ASTN1: variants seen among roughly 807,000 people sequenced by gnomAD.
ASTN1 encodes astrotactin 1.
ASTN1 carries 41 observed loss-of-function variants against 140.7 expected under a neutral mutation model. That is an observed-to-expected ratio of 0.29 (90% CI 0.23 to 0.38). The LOEUF (loss-of-function observed/expected upper bound fraction) is 0.38, where lower values mean the gene tolerates loss of function less well. ASTN1 is among the 10% of genes least tolerant of loss of function. ASTN1 has a pLI of 1.00. For synonymous variants in ASTN1, 640 were observed against 652.2 expected, an observed-to-expected ratio of 0.98 and a Z score of 0.29; for missense variants, 1,479 against 1,678.8, an observed-to-expected ratio of 0.88 and a Z score of 2.08.
intron 16 of ASTN1, among the ~76,000 whole-genome samples, chr1:176,899,724 A>C (rs770023663): frequency 3.9e-5 from 6 of 152,086 alleles, no homozygotes; most frequent in Non-Finnish European, 7.4e-5. Context: ...GATGTCCTCG[A>C]GTCATCAAAA....
intron 16 of ASTN1, among the ~76,000 whole-genome samples, chr1:176,923,898 A>C (rs999740493): frequency 1.3e-5 from 2 of 152,162 alleles, no homozygotes; most frequent in Non-Finnish European, 2.9e-5. Flanking sequence ...CCCTTCCCTT[A>C]TCCTTTATCT....
At chr1:177,145,342 T>C (rs1014067517) in intron 1 of ASTN1, among the ~76,000 whole-genome samples, 10 of 152,166 alleles carry the variant, frequency 6.6e-5, no homozygotes, top group African/African-American at 2.4e-4. Flanking sequence ...CCCTGTGACC[T>C]TTAAGTAACC....
chr1:176,985,347 T>C (rs1367381217), intron 8 of ASTN1, among the ~76,000 whole-genome samples: 1 of 152,072 alleles, frequency 6.6e-6, no homozygotes, highest in Non-Finnish European at 1.5e-5. Flanking sequence ...TGCCCATGCA[T>C]TGACACTCTC....
intron 17 of ASTN1, among the ~76,000 whole-genome samples, chr1:176,892,044 G>A (rs766670821): frequency 2.6e-5 from 4 of 152,122 alleles, no homozygotes; most frequent in Non-Finnish European, 4.4e-5. Flanking sequence ...GAAGTCTGAA[G>A]GGCCATAAGC....
chr1:176,999,637 G>A (rs918772958), intron 8 of ASTN1, among the ~76,000 whole-genome samples: 1 of 152,154 alleles, frequency 6.6e-6, no homozygotes, highest in African/African-American at 2.4e-5. Context: ...GGTGACTGAA[G>A]GTGATATGGT....
chr1:177,044,560 G>T (rs79994981), intron 2 of ASTN1, among the ~76,000 whole-genome samples: 1 of 152,126 alleles, frequency 6.6e-6, no homozygotes, highest in African/African-American at 2.4e-5. Context: ...GAAATTGAGC[G>T]GCAGCTCTTC....
chr1:176,994,598 C>T (rs1354286213), intron 8 of ASTN1, among the ~76,000 whole-genome samples: 1 of 152,152 alleles, frequency 6.6e-6, no homozygotes, highest in African/African-American at 2.4e-5. Context: ...CTGCCTTGGC[C>T]TCCCAAAGTG....
chr1:176,897,502 G>A (rs947471538), intron 16 of ASTN1, among the ~76,000 whole-genome samples: 1 of 151,980 alleles, frequency 6.6e-6, no homozygotes, highest in African/African-American at 2.4e-5. Context: ...TCGAGTCTGG[G>A]AAAAGAATTT....
intron 1 of ASTN1, among the ~76,000 whole-genome samples, chr1:177,064,285 G>A (rs1018159784): frequency 4.6e-5 from 7 of 152,226 alleles, no homozygotes; most frequent in Non-Finnish European, 8.8e-5. Flanking sequence ...CTAGGTCTTC[G>A]TATCCCATGA....
chr1:177,106,770 C>T (rs909420961), intron 1 of ASTN1, among the ~76,000 whole-genome samples: 28 of 152,122 alleles, frequency 1.8e-4, no homozygotes, highest in African/African-American at 6.5e-4. Context: ...AGCTGAATGG[C>T]GTTCAAATGA....
chr1:177,061,369 A>T, intron 1 of ASTN1, 104 bp from the exon 2 acceptor site: 2 of 1,169,824 alleles, frequency 1.7e-6, no homozygotes, highest in Non-Finnish European at 2.3e-6. Flanking sequence ...GTCTGAAGCC[A>T]ACAGAAGTTT....
intron 2 of ASTN1, among the ~76,000 whole-genome samples, chr1:177,036,714 C>T (rs976383490): frequency 1.3e-5 from 2 of 152,170 alleles, no homozygotes; most frequent in African/African-American, 4.8e-5. Context: ...AGGCAGGGGT[C>T]TAGCCACTTT....
At position 177,003,485 on chromosome 1, in the gene ASTN1, C is replaced by T. The variant is rs114622063; in HGVS notation, c.1523+11306G>A. Reference sequence around the variant, plus strand: ...CTGAAGAAAATAGGCATAGAAGAAACATAGCTCAAAATAATAAAAGCCATA... The same window carrying T: ...CTGAAGAAAATAGGCATAGAAGAAATATAGCTCAAAATAATAAAAGCCATA... On this transcript the variant is annotated intron_variant, in intron 8 of 22. Coordinates refer to ENST00000361833, the MANE Select transcript of ASTN1 (RefSeq NM_004319.3). Among the ~76,000 whole-genome samples the T allele has an allele frequency of 1.7e-3, 255 of 152,134 alleles. 1 individual carries two copies. Among genetic ancestry groups the T allele is most frequent in the Non-Finnish European group, 3.2e-3 (215 of 67,994 alleles).
At chr1:177,075,338 CT>C (rs1464203522) in intron 1 of ASTN1, among the ~76,000 whole-genome samples, 1 of 151,698 alleles carries the variant, frequency 6.6e-6, no homozygotes, top group African/African-American at 2.4e-5. Flanking sequence ...TCCCAAAGTG[CT>C]GGGATTACAG....
At chr1:176,959,638 T>C (rs891648935) in intron 9 of ASTN1, among the ~76,000 whole-genome samples, 3 of 151,646 alleles carry the variant, frequency 2.0e-5, no homozygotes, top group Non-Finnish European at 4.4e-5. Context: ...TGAAAGAGAG[T>C]CCTGGGCCCT....
At chr1:177,123,016 T>G (rs1431496921) in intron 1 of ASTN1, among the ~76,000 whole-genome samples, 1 of 152,172 alleles carries the variant, frequency 6.6e-6, no homozygotes, top group East Asian at 1.9e-4. Flanking sequence ...CTCTCAACAC[T>G]CCAGGGAGTG....
intron 8 of ASTN1, among the ~76,000 whole-genome samples, chr1:176,993,349 AT>A (rs1674279852): frequency 1.3e-5 from 2 of 152,162 alleles, no homozygotes; most frequent in African/African-American, 2.4e-5. Flanking sequence ...GAATTTTCTT[AT>A]TTGGCTATAT....
At chr1:177,023,123 T>C (rs1246373072) in intron 7 of ASTN1, among the ~76,000 whole-genome samples, 1 of 152,218 alleles carries the variant, frequency 6.6e-6, no homozygotes, top group Non-Finnish European at 1.5e-5. Context: ...AGTATTTAAA[T>C]ATCCCCTGAC....
At chr1:177,058,650 C>T (rs1677926770) in intron 2 of ASTN1, among the ~76,000 whole-genome samples, 1 of 152,034 alleles carries the variant, frequency 6.6e-6, no homozygotes, top group Non-Finnish European at 1.5e-5. Context: ...CAGCCTATTT[C>T]CTAAAGTCTT....
Sources: allele counts gnomAD v4.1 joint callset (sites outside exome capture counted in the v4.1 genomes callset), GRCh38; gene constraint gnomAD v4.1.1; transcripts MANE v1.5; gene names NCBI Gene and HGNC (gene_info 2026-07-23, HGNC 2026-07-21).